Variants in TBC1D5 observed in about 807,000 individuals in gnomAD.
TBC1D5 encodes the protein TBC1 domain family, member 5.
A neutral mutation model predicts 100.3 loss-of-function variants in TBC1D5; 75 were observed. That is an observed-to-expected ratio of 0.75 (90% confidence interval 0.62 to 0.91). TBC1D5 has a LOEUF of 0.91. Ranked by LOEUF, TBC1D5 falls within the 40% of genes least tolerant of loss-of-function variation. TBC1D5 has a pLI of 0.00. For synonymous variants in TBC1D5, 323 were observed against 325.6 expected (o/e 0.99, Z 0.09); for missense variants, 910 against 942.4 (o/e 0.97, Z 0.45).
At chr3:17,590,073 C>A (rs1382300124) in intron 2 of TBC1D5, among the ~76,000 whole-genome samples, 1 of 152,184 alleles carries the variant, frequency 6.6e-6, no homozygotes, top group African/African-American at 2.4e-5. Flanking sequence ...CTACAACATT[C>A]CTGTTTGTTT....
chr3:17,673,043 C>T (rs2068138957), intron 1 of TBC1D5, among the ~76,000 whole-genome samples: 2 of 151,918 alleles, frequency 1.3e-5, no homozygotes, highest in South Asian at 2.1e-4. Context: ...TGAGGAATAA[C>T]GATGGCTAAG....
intron 3 of TBC1D5, among the ~76,000 whole-genome samples, chr3:17,505,879 T>C (rs2095839753): frequency 6.6e-6 from 1 of 152,230 alleles, no homozygotes; most frequent in South Asian, 2.1e-4. Context: ...ATATTTTCTA[T>C]GCTGTTCTCT....
chr3:17,539,813 T>C lies in TBC1D5; in HGVS notation c.-35-31208A>G, dbSNP rs142567975. 4.3e-3 allele frequency among the ~76,000 whole-genome samples: 657 copies of C among 152,332 alleles called. 3 individuals are homozygous for C. The highest frequency in any genetic ancestry group is 7.2e-3 in the Non-Finnish European group (491 of 68,020). On this transcript the variant is annotated intron_variant, in intron 2 of 21. Transcript: ENST00000253692. ...GCTGGTATGAACATGGGTGTATAAATTGTCTCTTTAAGACCCTGTTTTCAA... is the reference window on the plus strand; with the variant it reads ...GCTGGTATGAACATGGGTGTATAAACTGTCTCTTTAAGACCCTGTTTTCAA...
At chr3:17,657,701 A>G (rs1240591926) in intron 1 of TBC1D5, among the ~76,000 whole-genome samples, 1 of 152,158 alleles carries the variant, frequency 6.6e-6, no homozygotes, top group Non-Finnish European at 1.5e-5. Context: ...TTCCAAGTCC[A>G]TTAGTCATTC....
chr3:17,564,034 G>A (rs1053592959), intron 2 of TBC1D5, among the ~76,000 whole-genome samples: 5 of 152,238 alleles, frequency 3.3e-5, no homozygotes, highest in South Asian at 4.1e-4. Flanking sequence ...CGCCCGCCTT[G>A]GCCTCCCAAA....
chr3:17,648,522 A>G (rs1206460978), intron 1 of TBC1D5, among the ~76,000 whole-genome samples: 1 of 152,248 alleles, frequency 6.6e-6, no homozygotes, highest in Non-Finnish European at 1.5e-5. Context: ...AAAAGAAACT[A>G]TTAACAGAGT....
At chr3:17,328,765 C>A (rs2086509846) in intron 13 of TBC1D5, among the ~76,000 whole-genome samples, 1 of 152,140 alleles carries the variant, frequency 6.6e-6, no homozygotes, top group Non-Finnish European at 1.5e-5. Context: ...TACATATAAT[C>A]CATAAAATTC....
chr3:17,217,105 T>C (rs1050814774), intron 17 of TBC1D5, among the ~76,000 whole-genome samples: 7 of 152,292 alleles, frequency 4.6e-5, no homozygotes, highest in Admixed American at 2.6e-4. Flanking sequence ...TTTCTAGACA[T>C]GTCATGTAGA....
chr3:17,708,121 T>C (rs1359451018), intron 1 of TBC1D5, among the ~76,000 whole-genome samples: 1 of 152,218 alleles, frequency 6.6e-6, no homozygotes, highest in Non-Finnish European at 1.5e-5. Flanking sequence ...ACCACTATCA[T>C]GAAATTGGTA....
At chr3:17,655,451 T>TACA (rs2065969979) in intron 1 of TBC1D5, among the ~76,000 whole-genome samples, 1 of 145,576 alleles carries the variant, frequency 6.9e-6, no homozygotes, top group African/African-American at 2.6e-5. Flanking sequence ...AAACTTAAAG[T>TACA]ATAATAATAA....
intron 2 of TBC1D5, among the ~76,000 whole-genome samples, chr3:17,607,981 T>G (rs2061441437): frequency 6.6e-6 from 1 of 152,236 alleles, no homozygotes; most frequent in Non-Finnish European, 1.5e-5. Context: ...GAAATAAATG[T>G]ATCTTTCCAA....
At chr3:17,672,989 T>C (rs1418391344) in intron 1 of TBC1D5, among the ~76,000 whole-genome samples, 1 of 152,172 alleles carries the variant, frequency 6.6e-6, no homozygotes, top group African/African-American at 2.4e-5. Context: ...ACACAACAGT[T>C]AAAATGAATC....
chr3:17,307,793 C>T (rs1228790694), intron 14 of TBC1D5, among the ~76,000 whole-genome samples, 199 bp downstream of exon 14: 1 of 152,230 alleles, frequency 6.6e-6, no homozygotes, highest in Non-Finnish European at 1.5e-5. Flanking sequence ...TAAAATGACT[C>T]ACATCTCCCA....
intron 3 of TBC1D5, among the ~76,000 whole-genome samples, chr3:17,502,086 C>A (rs1437498227): frequency 6.7e-6 from 1 of 149,242 alleles, no homozygotes; most frequent in Admixed American, 6.6e-5. Flanking sequence ...CAATAAGGTC[C>A]CTCTTCCTGT....
At chr3:17,174,378 T>A (rs2067488147) in intron 19 of TBC1D5, among the ~76,000 whole-genome samples, 1 of 152,222 alleles carries the variant, frequency 6.6e-6, no homozygotes, top group Non-Finnish European at 1.5e-5. Context: ...CACTGCTCCT[T>A]GCTAATGTTT....
At chr3:17,170,943 T>C (rs1156340887) in intron 19 of TBC1D5, among the ~76,000 whole-genome samples, 1 of 152,120 alleles carries the variant, frequency 6.6e-6, no homozygotes, top group Non-Finnish European at 1.5e-5. Context: ...TTGGTGGAGA[T>C]GAAGTTTTAG....
chr3:17,437,419 G>C (rs1228048625), intron 3 of TBC1D5, among the ~76,000 whole-genome samples: 1 of 151,982 alleles, frequency 6.6e-6, no homozygotes, highest in African/African-American at 2.4e-5. Context: ...AACAGAGTAG[G>C]CCAGAATCAA....
chr3:17,704,994 G>C (rs2073844309), intron 1 of TBC1D5, among the ~76,000 whole-genome samples: 5 of 120,748 alleles, frequency 4.1e-5, no homozygotes, highest in Non-Finnish European at 9.1e-5. Flanking sequence ...GGCTGGCCGG[G>C]CGGAGGGCTG....
chr3:17,436,352 C>T (rs1253722235), intron 3 of TBC1D5, among the ~76,000 whole-genome samples: 1 of 152,092 alleles, frequency 6.6e-6, no homozygotes, highest in Non-Finnish European at 1.5e-5. Context: ...AAAAAGTTAG[C>T]TATCATTTTT....
Sources: allele counts gnomAD v4.1 joint callset (sites outside exome capture counted in the v4.1 genomes callset), GRCh38; gene constraint gnomAD v4.1.1; transcripts MANE v1.5; gene names NCBI Gene and HGNC (gene_info 2026-07-23, HGNC 2026-07-21).